SMAD3: variants seen among roughly 807,000 people sequenced by gnomAD.
SMAD3 encodes SMAD family member 3.
In SMAD3, 12 loss-of-function variants were observed where a neutral mutation model predicts 51.8. The observed-to-expected ratio is 0.23, with a 90% CI of 0.15 to 0.38. The LOEUF (loss-of-function observed/expected upper bound fraction) is 0.38. Ranked by LOEUF, SMAD3 falls within the 10% of genes least tolerant of loss-of-function variation. The pLI is 1.00. For synonymous variants in SMAD3, 238 were observed against 227.7 expected (o/e 1.05, Z -0.41); for missense variants, 294 against 565.6 (o/e 0.52, Z 4.87).
chr15:67,098,679 A>G, intron 1 of SMAD3: 1 of 566,558 alleles, frequency 1.8e-6, no homozygotes, highest in Non-Finnish European at 3.2e-6. Flanking sequence ...CTAATTAAAG[A>G]AAACAAGCTT....
At chr15:67,165,577 C>G (rs916579794) in intron 3 of SMAD3, among the ~76,000 whole-genome samples, 193 bp downstream of exon 3, 4 of 152,258 alleles carry the variant, frequency 2.6e-5, no homozygotes, top group Non-Finnish European at 4.4e-5. Flanking sequence ...TCAGCTCCCC[C>G]CTCACTAGTG....
At chr15:67,154,833 C>T (rs538950103) in intron 1 of SMAD3, among the ~76,000 whole-genome samples, 1 of 152,250 alleles carries the variant, frequency 6.6e-6, no homozygotes, top group East Asian at 1.9e-4. Context: ...AAATTAAAAA[C>T]ACTTGTCATC....
chr15:67,121,542 C>T (rs1033554351), intron 1 of SMAD3, among the ~76,000 whole-genome samples: 2 of 152,178 alleles, frequency 1.3e-5, no homozygotes, highest in South Asian at 4.1e-4. Context: ...GCTCTTGGGG[C>T]AGTTTGTACT....
At chr15:67,188,709 T>A (rs988027965) in intron 8 of SMAD3, among the ~76,000 whole-genome samples, 16 of 152,256 alleles carry the variant, frequency 1.1e-4, no homozygotes, top group African/African-American at 3.9e-4. Flanking sequence ...TCTCTTCATT[T>A]TTCCAGATGT....
rs1236381251 is a variant in SMAD3 at position 67,184,722 on chromosome 15, T to C, written c.872-5T>C. On this transcript the variant is annotated splice_region_variant and splice_polypyrimidine_tract_variant and intron_variant, in intron 6 of 8. Coordinates refer to ENST00000327367, the MANE Select transcript of SMAD3 (RefSeq NM_005902.4). ...CCCTGTCCAGTCTAACCTGAATCTC[T>C]GTAGGAAGAGGCGTGCGGCTCTACT... 6.2e-7 allele frequency: 1 copy of C among 1,613,842 alleles called. No homozygotes were observed. The highest frequency in any genetic ancestry group is 8.5e-7 in the Non-Finnish European group (1 of 1,179,988).
intron 4 of SMAD3, among the ~76,000 whole-genome samples, chr15:67,169,816 T>C (rs1468478671): frequency 6.6e-6 from 1 of 152,082 alleles, no homozygotes; most frequent in East Asian, 1.9e-4. Context: ...AGGATGCTGC[T>C]CTGGAAAAGT....
At chr15:67,177,298 T>C (rs1962927163) in intron 5 of SMAD3, among the ~76,000 whole-genome samples, 1 of 152,184 alleles carries the variant, frequency 6.6e-6, no homozygotes, top group Non-Finnish European at 1.5e-5. Context: ...TTGCAGTAAC[T>C]ATAACCTCAT....
intron 5 of SMAD3, among the ~76,000 whole-genome samples, chr15:67,180,660 G>T (rs1248323515): frequency 6.6e-6 from 1 of 151,794 alleles, no homozygotes; most frequent in Non-Finnish European, 1.5e-5. Context: ...GAACCCACTC[G>T]GCTGCTGCAG....
intron 5 of SMAD3, 89 bp from the exon 6 acceptor site, chr15:67,181,152 A>G: frequency 1.0e-6 from 1 of 975,788 alleles, no homozygotes; most frequent in Admixed American, 1.9e-5. Context: ...ATGCGGGGAA[A>G]TGGTTTTCCA....
intron 1 of SMAD3, among the ~76,000 whole-genome samples, chr15:67,103,906 G>A (rs901329560): frequency 2.4e-4 from 36 of 152,206 alleles, no homozygotes; most frequent in African/African-American, 8.0e-4. Context: ...GCTATTTGCC[G>A]TATTGAAGGT....
chr15:67,176,457 C>T (rs1272514384), intron 5 of SMAD3, among the ~76,000 whole-genome samples: 6 of 152,202 alleles, frequency 3.9e-5, no homozygotes, highest in South Asian at 4.1e-4. Flanking sequence ...TTTGACCTTT[C>T]GTCTTGCAGC....
At chr15:67,151,475 G>A (rs916026117) in intron 1 of SMAD3, among the ~76,000 whole-genome samples, 1 of 152,134 alleles carries the variant, frequency 6.6e-6, no homozygotes, top group Non-Finnish European at 1.5e-5. Flanking sequence ...TGGGACTACA[G>A]GCTTGCGCCA....
Position 67,191,075 on chromosome 15 carries a change from C to T in SMAD3, c.*539C>T. 2 of 224,804 alleles carry T rather than the reference C, an allele frequency of 8.9e-6. No homozygotes were observed. Among genetic ancestry groups the T allele is most frequent in the Non-Finnish European group, 1.8e-5 (2 of 112,834 alleles). The allele number at this position is 224,804 out of a possible 1,614,324, so 13.9% of individuals were successfully genotyped here. A position where few individuals can be genotyped will look rare whatever the true frequency, so the allele number is the denominator to read the frequency against. On this transcript the variant is annotated 3_prime_UTR_variant, in exon 9 of 9. Coordinates refer to ENST00000327367, the MANE Select transcript of SMAD3 (RefSeq NM_005902.4). ...GCCCCACCACTCCAGCAGACCTTGC[C>T]CCTTGTGAGCTGGATAGACTTGGGA...
chr15:67,182,992 AAAAAAAAAATATAT>A (rs1203725337), intron 6 of SMAD3, among the ~76,000 whole-genome samples: 1 of 50,670 alleles, frequency 2.0e-5, no homozygotes, highest in Non-Finnish European at 3.5e-5. Context: ...TTATTAAAAA[AAAAAAAAAATATAT>A]ATATATATAT....
At position 67,166,150 on chromosome 15, in the gene SMAD3, C is replaced by A. The variant is rs145161618; in HGVS notation, c.533-629C>A. 970 of 1,011,332 alleles carry A rather than the reference C, an allele frequency of 9.6e-4. 8 individuals carry two copies. In the African/African-American group the frequency reaches 0.016, roughly 16 times the overall value. The allele number at this position is 1,011,332 out of a possible 1,614,324, so 62.6% of individuals were successfully genotyped here. A position where few individuals can be genotyped will look rare whatever the true frequency, so the allele number is the denominator to read the frequency against. ...GAGTGTTAAGGAGGAGACCCACTGTCCAACCTTCTCAGATCCTTTGCGGGT... is the reference window on the plus strand; with the variant it reads ...GAGTGTTAAGGAGGAGACCCACTGTACAACCTTCTCAGATCCTTTGCGGGT... On this transcript the variant is annotated intron_variant, in intron 3 of 8. Coordinates refer to ENST00000327367, the MANE Select transcript of SMAD3 (RefSeq NM_005902.4).
At chr15:67,080,513 G>A (rs1960258189) in intron 1 of SMAD3, among the ~76,000 whole-genome samples, 2 of 152,126 alleles carry the variant, frequency 1.3e-5, no homozygotes, top group African/African-American at 4.8e-5. Context: ...ATGCCACTAG[G>A]CCCAGTGCAA....
In SMAD3 at chr15:67,100,648, A is replaced by G. The variant is rs368301860; in HGVS notation, c.206+34288A>G. Among the ~76,000 whole-genome samples the G allele has an allele frequency of 9.8e-5, 15 of 152,288 alleles. No homozygotes were observed. In the East Asian group the frequency reaches 1.5e-3, roughly 16 times the overall value. ...TAAACATATAAATTGATTTTAATAT[A>G]TATTAAAATCAAATGTATTCCTCTA... On this transcript the variant is annotated intron_variant, in intron 1 of 8. Coordinates refer to ENST00000327367, the MANE Select transcript of SMAD3 (RefSeq NM_005902.4).
chr15:67,089,154 T>A (rs1960458648), intron 1 of SMAD3, among the ~76,000 whole-genome samples: 3 of 152,064 alleles, frequency 2.0e-5, no homozygotes, highest in Admixed American at 2.0e-4. Context: ...AAAAGGGGTG[T>A]ATGGCTGCTT....
chr15:67,066,153 C>G lies in SMAD3; in HGVS notation c.-2C>G, dbSNP rs1490793198. 2 of 1,589,900 alleles carry G rather than the reference C, an allele frequency of 1.3e-6. No individual in the cohort carries two copies. The highest frequency in any genetic ancestry group is 4.6e-5 in the East Asian group (2 of 43,712). The stretch of plus-strand genomic sequence containing the variant: ...CTCGCCGCCCGCGCGCCCTCCCCAG[C>G]CATGTCGTCCATCCTGCCTTTCACT... On this transcript the variant is annotated 5_prime_UTR_variant, in exon 1 of 9. Transcript: ENST00000327367.
Sources: allele counts gnomAD v4.1 joint callset (sites outside exome capture counted in the v4.1 genomes callset), GRCh38; gene constraint gnomAD v4.1.1; transcripts MANE v1.5; gene names NCBI Gene and HGNC (gene_info 2026-07-23, HGNC 2026-07-21).